The following CDH18 variants were observed in gnomAD, a reference collection of about 807,000 sequenced individuals.
CDH18 encodes the protein cadherin 18, also known as cadherin-18.
A neutral mutation model predicts 67.9 loss-of-function variants in CDH18; 31 were observed. That is an observed-to-expected ratio of 0.46 (90% CI 0.34 to 0.62). CDH18 has a LOEUF of 0.62. CDH18 is among the 20% of genes least tolerant of loss of function. The pLI is 0.01. For synonymous variants in CDH18, 362 were observed against 347.2 expected (o/e 1.04, Z -0.48); for missense variants, 890 against 975.5 (o/e 0.91, Z 1.17).
rs546587079 is a variant in CDH18, at chr5:20,044,657, G to A, written c.-517-52643C>T. On this transcript the variant is annotated intron_variant, in intron 2 of 14. Transcript: ENST00000507958. ...TTGAGAGCCCTCATAGATGAATCAGGAACACTTTGAATTGTATATTTTAGA... is the reference window on the plus strand; with the variant it reads ...TTGAGAGCCCTCATAGATGAATCAGAAACACTTTGAATTGTATATTTTAGA... Among the ~76,000 whole-genome samples, 33 of 152,180 alleles carry A rather than the reference G, an allele frequency of 2.2e-4. No individual in the cohort carries two copies. The South Asian group carries it at 6.6e-3, about 31-fold the overall frequency.
chr5:19,978,298 T>C (rs920724718), intron 2 of CDH18, among the ~76,000 whole-genome samples: 2 of 152,138 alleles, frequency 1.3e-5, no homozygotes, highest in Non-Finnish European at 2.9e-5. Context: ...GCAACTAGCA[T>C]CCTTCAGGAA....
intron 2 of CDH18, among the ~76,000 whole-genome samples, chr5:19,870,676 G>A (rs971501273): frequency 6.6e-6 from 1 of 152,090 alleles, no homozygotes; most frequent in African/African-American, 2.4e-5. Context: ...TATTTTAAGA[G>A]TTATAACTCA....
At chr5:19,617,301 A>T (rs1169834910) in intron 5 of CDH18, among the ~76,000 whole-genome samples, 3 of 152,234 alleles carry the variant, frequency 2.0e-5, no homozygotes, top group Admixed American at 2.0e-4. Flanking sequence ...AAGATAGAAT[A>T]AACTATATAG....
intron 2 of CDH18, among the ~76,000 whole-genome samples, chr5:20,183,144 T>C (rs1166287293): frequency 3.5e-5 from 3 of 84,636 alleles, no homozygotes; most frequent in South Asian, 3.8e-4. Flanking sequence ...AGTTGCTATA[T>C]GTAAAGGGCT....
chr5:19,771,966 T>C lies in CDH18; in HGVS notation c.229-24730A>G, dbSNP rs565945611. Among the ~76,000 whole-genome samples the C allele has an allele frequency of 4.6e-5, 7 of 152,270 alleles. No individual in the cohort carries two copies. In the South Asian group the frequency reaches 1.5e-3, roughly 32 times the overall value. On this transcript the variant is annotated intron_variant, in intron 3 of 12. Coordinates refer to ENST00000382275, the MANE Select transcript of CDH18 (RefSeq NM_004934.5). ...CCTCTATAAAATCAAGATGAAGAAATTTACATTCAAAAAAGGATTGTGGTA... is the reference window on the plus strand; with the variant it reads ...CCTCTATAAAATCAAGATGAAGAAACTTACATTCAAAAAAGGATTGTGGTA...
intron 9 of CDH18, among the ~76,000 whole-genome samples, chr5:19,521,958 T>A (rs931289665): frequency 1.1e-4 from 16 of 152,058 alleles, no homozygotes; most frequent in Non-Finnish European, 5.9e-5. Flanking sequence ...TACTAGACAC[T>A]ACCACTCACG....
chr5:20,350,008 A>G (rs1304196762), intron 1 of CDH18, among the ~76,000 whole-genome samples: 1 of 152,084 alleles, frequency 6.6e-6, no homozygotes, highest in Admixed American at 6.6e-5. Flanking sequence ...AGCTTACTCA[A>G]CCTGGAAGCA....
chr5:20,332,550 T>C (rs570555217), intron 1 of CDH18, among the ~76,000 whole-genome samples: 1 of 152,220 alleles, frequency 6.6e-6, no homozygotes, highest in South Asian at 2.1e-4. Context: ...TATGGACAGG[T>C]TTTTGGACAC....
At chr5:20,385,441 C>A (rs988373821) in intron 1 of CDH18, among the ~76,000 whole-genome samples, 4 of 152,136 alleles carry the variant, frequency 2.6e-5, no homozygotes, top group African/African-American at 9.7e-5. Flanking sequence ...ACCTTCATAA[C>A]AAGCAAAATG....
At chr5:19,662,154 T>TA (rs397996940) in intron 5 of CDH18, among the ~76,000 whole-genome samples, 2 of 151,516 alleles carry the variant, frequency 1.3e-5, no homozygotes, top group Non-Finnish European at 1.5e-5. Flanking sequence ...TTTTTTTTTT[T>TA]AAACAGCGTA....
At chr5:19,595,260 T>C (rs926658207) in intron 6 of CDH18, among the ~76,000 whole-genome samples, 3 of 151,718 alleles carry the variant, frequency 2.0e-5, no homozygotes, top group Non-Finnish European at 2.9e-5. Context: ...TTATAAAACA[T>C]GGATGAAAAA....
intron 1 of CDH18, among the ~76,000 whole-genome samples, chr5:20,318,738 G>A (rs961324684): frequency 6.6e-6 from 1 of 152,106 alleles, no homozygotes; most frequent in Non-Finnish European, 1.5e-5. Flanking sequence ...GCAGAGCCAT[G>A]AGCCAATTAA....
intron 1 of CDH18, among the ~76,000 whole-genome samples, chr5:20,450,517 C>A (rs933721538): frequency 2.0e-5 from 3 of 151,766 alleles, no homozygotes; most frequent in Admixed American, 2.0e-4. Context: ...CATTTTCTAC[C>A]AATGCAAAAA....
intron 2 of CDH18, among the ~76,000 whole-genome samples, chr5:19,860,705 C>T (rs1221860085): frequency 6.6e-6 from 1 of 151,816 alleles, no homozygotes; most frequent in Admixed American, 6.6e-5. Flanking sequence ...AAACATCCCA[C>T]TATAATTTAT....
chr5:20,358,572 C>A (rs962674032), intron 1 of CDH18, among the ~76,000 whole-genome samples: 2 of 152,020 alleles, frequency 1.3e-5, no homozygotes, highest in Non-Finnish European at 2.9e-5. Flanking sequence ...TAATATTTGA[C>A]CAGGCAATAC....
chr5:19,504,356 C>T (rs1315070286), intron 10 of CDH18, among the ~76,000 whole-genome samples: 1 of 152,056 alleles, frequency 6.6e-6, no homozygotes, highest in Admixed American at 6.6e-5. Context: ...CTGCCTCCAT[C>T]TCCAAATAAG....
chr5:19,875,415 G>C (rs1269557462), intron 2 of CDH18, among the ~76,000 whole-genome samples: 5 of 149,254 alleles, frequency 3.3e-5, no homozygotes, highest in African/African-American at 7.7e-5. Context: ...TAGATAGATA[G>C]ATAGATAGAT....
intron 1 of CDH18, among the ~76,000 whole-genome samples, chr5:20,444,846 A>G (rs1399768395): frequency 1.3e-5 from 2 of 151,432 alleles, no homozygotes; most frequent in Non-Finnish European, 2.9e-5. Context: ...AATAAATCCT[A>G]TAAGAGAGAT....
chr5:20,168,944 C>A (rs531487066), intron 2 of CDH18, among the ~76,000 whole-genome samples: 6 of 151,998 alleles, frequency 3.9e-5, no homozygotes, highest in African/African-American at 1.4e-4. Context: ...AACTCATGAA[C>A]ATAGATAGCA....
Sources: gnomAD v4.1 joint callset for allele counts (sites outside exome capture counted in the v4.1 genomes callset) on GRCh38, gnomAD v4.1.1 for gene constraint, MANE v1.5 for transcripts, NCBI Gene and HGNC (gene_info 2026-07-23, HGNC 2026-07-21) for gene names.